Variants in TLK1 observed in about 807,000 individuals in gnomAD.
TLK1 encodes serine/threonine-protein kinase tousled-like 1.
In TLK1, 24 loss-of-function variants were observed where a neutral mutation model predicts 105.3. The observed-to-expected ratio is 0.23, with a 90% CI of 0.17 to 0.32. The LOEUF (loss-of-function observed/expected upper bound fraction) is 0.32. Among genes scored for constraint, TLK1 ranks in the 10% least tolerant of loss-of-function variants. The probability of loss-of-function intolerance (pLI) is 1.00; values close to 1 mark genes in which losing one functional copy is unlikely to be tolerated. For synonymous variants in TLK1, 321 were observed against 310.4 expected (o/e 1.03, Z -0.36); for missense variants, 558 against 910.5 (o/e 0.61, Z 4.98).
chr2:171,089,544 C>T (rs976744560), intron 2 of TLK1, among the ~76,000 whole-genome samples: 2 of 152,346 alleles, frequency 1.3e-5, no homozygotes, highest in South Asian at 2.1e-4. Flanking sequence ...TTTCCCACTG[C>T]ACTGCAATAT....
At chr2:171,168,687 A>C (rs760852205) in intron 1 of TLK1, among the ~76,000 whole-genome samples, 4 of 152,252 alleles carry the variant, frequency 2.6e-5, no homozygotes, top group Non-Finnish European at 5.9e-5. Context: ...TATAAACACC[A>C]ATAATGGGAG....
chr2:171,178,162 A>G (rs1692867199), intron 1 of TLK1, among the ~76,000 whole-genome samples: 2 of 152,168 alleles, frequency 1.3e-5, no homozygotes, highest in African/African-American at 4.8e-5. Context: ...ATTATCTAAT[A>G]TGCTCCTGTC....
chr2:171,184,134 CTG>C (rs1385321125), intron 1 of TLK1, among the ~76,000 whole-genome samples: 3 of 152,030 alleles, frequency 2.0e-5, no homozygotes, highest in Admixed American at 2.0e-4. Context: ...GCTTTGGAGA[CTG>C]AAGAAAGGGC....
intron 1 of TLK1, among the ~76,000 whole-genome samples, chr2:171,200,205 A>G (rs1170418620): frequency 2.6e-5 from 4 of 152,228 alleles, no homozygotes; most frequent in Non-Finnish European, 5.9e-5. Flanking sequence ...CCTCCCATCA[A>G]GATACTATTT....
chr2:171,139,249 T>C lies in TLK1; in HGVS notation c.139+21041A>G, dbSNP rs78297116. Among the ~76,000 whole-genome samples, 1,206 of 152,194 alleles carry C rather than the reference T, an allele frequency of 7.9e-3. 18 individuals are homozygous for C. Among genetic ancestry groups the C allele is most frequent in the African/African-American group, 0.027 (1,125 of 41,520 alleles). On this transcript the variant is annotated intron_variant, in intron 1 of 20. Coordinates refer to ENST00000431350, the MANE Select transcript of TLK1 (RefSeq NM_012290.5). ...TATTGTAATGCTCTGACGATTTTAT[T>C]TGAATCCAAACTTAACTTACATTGG...
chr2:171,167,658 A>C (rs1274580340), intron 1 of TLK1, among the ~76,000 whole-genome samples: 1 of 152,166 alleles, frequency 6.6e-6, no homozygotes, highest in African/African-American at 2.4e-5. Flanking sequence ...AGATTTGTCA[A>C]TCCATTTGAA....
At chr2:171,039,628 G>A (rs1420347535) in intron 11 of TLK1, among the ~76,000 whole-genome samples, 2 of 152,072 alleles carry the variant, frequency 1.3e-5, no homozygotes, top group African/African-American at 2.4e-5. Flanking sequence ...GACTGATCTT[G>A]TTCATCTGTT....
chr2:171,100,003 G>C lies in TLK1; in HGVS notation c.259-17151C>G, dbSNP rs182862566. 2.0e-5 allele frequency among the ~76,000 whole-genome samples: 3 copies of C among 152,242 alleles called. 1 individual carries two copies. Among genetic ancestry groups the C allele is most frequent in the East Asian group, 3.9e-4 (2 of 5,188 alleles). On this transcript the variant is annotated intron_variant, in intron 2 of 20. Coordinates refer to ENST00000431350, the MANE Select transcript of TLK1 (RefSeq NM_012290.5). ...AGAATGAGACAAAAATCTGTAAATC[G>C]TGTATCTGATAAGAGTCTAGTACCC...
chr2:171,097,196 T>C (rs143826428), intron 2 of TLK1, among the ~76,000 whole-genome samples: 1 of 152,224 alleles, frequency 6.6e-6, no homozygotes, highest in African/African-American at 2.4e-5. Context: ...GAATTGATCT[T>C]TGGCAAAAGT....
intron 1 of TLK1, among the ~76,000 whole-genome samples, chr2:171,202,672 G>T (rs1179789175): frequency 6.6e-6 from 1 of 152,128 alleles, no homozygotes; most frequent in Non-Finnish European, 1.5e-5. Context: ...CAGGATAATG[G>T]CTTGAATCGG....
intron 1 of TLK1, among the ~76,000 whole-genome samples, chr2:171,217,526 G>C (rs1575662788): frequency 6.6e-6 from 1 of 152,272 alleles, no homozygotes; most frequent in East Asian, 1.9e-4. Flanking sequence ...GAATGGAGAA[G>C]GGTATGAAAA....
chr2:171,033,892 T>A (rs12615949), intron 11 of TLK1, among the ~76,000 whole-genome samples: 131,889 of 145,238 alleles, frequency 0.91, 59,908 homozygotes, highest in East Asian at 0.99. Context: ...CCAGATTTTT[T>A]AAAAAAAAAA....
intron 1 of TLK1, chr2:171,155,568 T>TA (rs990181762): frequency 5.3e-5 from 8 of 152,210 alleles, no homozygotes; most frequent in Non-Finnish European, 1.0e-4. Context: ...TAGGGATTTT[T>TA]AAAAAATCAC....
intron 1 of TLK1, among the ~76,000 whole-genome samples, chr2:171,118,489 C>A (rs1361052858): frequency 2.0e-5 from 3 of 152,142 alleles, no homozygotes; most frequent in African/African-American, 7.2e-5. Context: ...AAGTTTCCAT[C>A]AGGTAAATGA....
intron 1 of TLK1, among the ~76,000 whole-genome samples, chr2:171,143,652 A>T (rs1347998464): frequency 3.9e-5 from 6 of 152,094 alleles, no homozygotes; most frequent in Non-Finnish European, 8.8e-5. Context: ...CTGATAAGCT[A>T]AGATATATAA....
At chr2:171,062,887 T>C (rs1192407218) in intron 3 of TLK1, among the ~76,000 whole-genome samples, 1 of 152,214 alleles carries the variant, frequency 6.6e-6, no homozygotes, top group Non-Finnish European at 1.5e-5. Flanking sequence ...CCACCCTAAC[T>C]GGCCATCTAC....
chr2:171,117,703 G>T, intron 2 of TLK1, 36 bp downstream of exon 2: 1 of 1,517,754 alleles, frequency 6.6e-7, no homozygotes, highest in Non-Finnish European at 9.1e-7. Context: ...TTAATAGAAA[G>T]AAAGACTGTC....
Position 171,058,173 on chromosome 2 carries a change from T to A in TLK1, c.431A>T (p.His144Leu), listed in dbSNP as rs1364203987. 6.2e-7 allele frequency: 1 copy of A among 1,613,600 alleles called. No homozygotes were observed. Among genetic ancestry groups the A allele is most frequent in the Non-Finnish European group, 8.5e-7 (1 of 1,179,604 alleles). ...TACTTCAAAATAGTCGCTAATTTTG[T>A]GGCCACGTCCCCCAATACTTTTTCC... ...SQGKSIGGRG[H>L]KISDYFEYQG... The change falls in exon 5 of 21, where the codon CAC (histidine) becomes CTC (leucine). Residue 144 changes from histidine (H) to leucine (L), a missense_variant. Transcript: ENST00000431350.
chr2:171,117,605 A>G, intron 2 of TLK1, 134 bp downstream of exon 2: 1 of 686,272 alleles, frequency 1.5e-6, no homozygotes, highest in Non-Finnish European at 2.5e-6. Context: ...CGCATTTATG[A>G]ACACTGATCT....
Sources: gnomAD v4.1 joint callset for allele counts (sites outside exome capture counted in the v4.1 genomes callset) on GRCh38, gnomAD v4.1.1 for gene constraint, MANE v1.5 for transcripts, NCBI Gene and HGNC (gene_info 2026-07-23, HGNC 2026-07-21) for gene names.